NFAT5: variants seen among roughly 807,000 people sequenced by gnomAD.
NFAT5 encodes nuclear factor of activated T cells 5.
In NFAT5, 31 loss-of-function variants were observed where a neutral mutation model predicts 166.5. The observed-to-expected ratio is 0.19, with a 90% CI of 0.14 to 0.25. NFAT5 has a LOEUF of 0.25. NFAT5 is among the 10% of genes least tolerant of loss of function. The pLI, the probability that NFAT5 is intolerant of heterozygous loss-of-function variation, is 1.00. For missense variants in NFAT5, 1,449 were observed against 1,821.8 expected (o/e 0.80, Z 3.72); for synonymous variants, 612 against 639.7 (o/e 0.96, Z 0.65).
intron 2 of NFAT5, among the ~76,000 whole-genome samples, chr16:69,619,314 A>C (rs968343322): frequency 3.9e-5 from 6 of 152,194 alleles, no homozygotes; most frequent in Admixed American, 3.9e-4. Flanking sequence ...GCTGTGCTCT[A>C]TCCGTGTATA....
chr16:69,694,827 T>G (rs2037705015), intron 13 of NFAT5, among the ~76,000 whole-genome samples: 1 of 152,182 alleles, frequency 6.6e-6, no homozygotes, highest in African/African-American at 2.4e-5. Context: ...TCTAAGGAGG[T>G]AGAAACTCAT....
intron 10 of NFAT5, among the ~76,000 whole-genome samples, chr16:69,679,665 G>A (rs1004271728): frequency 1.3e-5 from 2 of 152,146 alleles, no homozygotes; most frequent in African/African-American, 4.8e-5. Context: ...TAAAGATCAT[G>A]TGTGAAAACA....
intron 2 of NFAT5, among the ~76,000 whole-genome samples, chr16:69,608,697 C>T (rs1260370231): frequency 6.6e-6 from 1 of 151,994 alleles, no homozygotes. Flanking sequence ...TCACTGCAAG[C>T]TCTGCCTCCT....
intron 6 of NFAT5, among the ~76,000 whole-genome samples, chr16:69,657,316 G>C (rs1478660539): frequency 6.6e-6 from 1 of 151,670 alleles, no homozygotes; most frequent in Non-Finnish European, 1.5e-5. Context: ...TTTTAGTAGA[G>C]ACGGGGTTTC....
At chr16:69,629,749 A>G (rs2034624364) in intron 3 of NFAT5, among the ~76,000 whole-genome samples, 1 of 147,484 alleles carries the variant, frequency 6.8e-6, no homozygotes, top group Admixed American at 6.9e-5. Flanking sequence ...AAATAAGTGC[A>G]CACTACCACA....
chr16:69,634,256 C>T (rs545478406), intron 3 of NFAT5, among the ~76,000 whole-genome samples: 111 of 123,214 alleles, frequency 9.0e-4, no homozygotes, highest in African/African-American at 3.3e-3. Context: ...TCCAGCCTGG[C>T]GATAGTGAGA....
chr16:69,634,036 G>GA (rs1053985984), intron 3 of NFAT5, among the ~76,000 whole-genome samples: 5 of 107,250 alleles, frequency 4.7e-5, no homozygotes, highest in African/African-American at 1.3e-4. Context: ...CCAGCACTTT[G>GA]GGGGGCCGAG....
chr16:69,695,539 G>A (rs1242096469), intron 14 of NFAT5, 160 bp downstream of exon 14: 1 of 626,310 alleles, frequency 1.6e-6, no homozygotes, highest in Non-Finnish European at 2.8e-6. Context: ...GATAGCTTAT[G>A]GTCATATAGT....
At chr16:69,590,876 T>G (rs1401492176) in intron 2 of NFAT5, among the ~76,000 whole-genome samples, 6 of 152,188 alleles carry the variant, frequency 3.9e-5, no homozygotes, top group African/African-American at 1.2e-4. Flanking sequence ...CACTAGAAAT[T>G]TAGGCACGAT....
chr16:69,695,517 A>G (rs1018636538), intron 14 of NFAT5, 138 bp downstream of exon 14: 10 of 653,204 alleles, frequency 1.5e-5, no homozygotes, highest in African/African-American at 9.1e-5. Context: ...TCTGAATAAA[A>G]TTATTCTGAA....
intron 11 of NFAT5, among the ~76,000 whole-genome samples, chr16:69,687,368 G>C (rs2037348679): frequency 6.7e-6 from 1 of 149,972 alleles, no homozygotes; most frequent in African/African-American, 2.5e-5. Flanking sequence ...TTGAATCCAG[G>C]AGGCGAAGGT....
intron 2 of NFAT5, among the ~76,000 whole-genome samples, chr16:69,607,352 C>A (rs765575717): frequency 5.3e-5 from 8 of 152,140 alleles, no homozygotes; most frequent in Non-Finnish European, 1.2e-4. Context: ...TCCAAGGAAT[C>A]TTGTGACTTT....
intron 3 of NFAT5, chr16:69,632,318 A>T (rs564520597): frequency 3.9e-5 from 6 of 152,204 alleles, no homozygotes; most frequent in Non-Finnish European, 8.8e-5. Context: ...GCATGTCATC[A>T]TATCACAATC....
rs2016255933 is a variant in NFAT5, at chr16:69,568,608, GGA to G, written c.127+62_127+63del. 3 of 1,407,962 alleles carry G rather than the reference GGA, an allele frequency of 2.1e-6. No homozygotes were observed. The East Asian group carries it at 7.0e-5, about 33-fold the overall frequency. The allele number at this position is 1,407,962 out of a possible 1,614,324, so 87.2% of individuals were successfully genotyped here. ...AGTATGCAAAGGCTTTCTCTGAAAT[GGA>G]GTTTAAATGGGAAAGTATGAAACTT... On this transcript the variant is annotated intron_variant, in intron 2 of 14. Coordinates refer to ENST00000349945, the MANE Select transcript of NFAT5 (RefSeq NM_138713.4).
At chr16:69,649,406 C>G (rs1008365785) in intron 4 of NFAT5, 22 of 982,934 alleles carry the variant, frequency 2.2e-5, no homozygotes, top group Non-Finnish European at 2.4e-5. Context: ...AATATCTTGA[C>G]CTTCATTTTT....
chr16:69,669,922 G>C lies in NFAT5; in HGVS notation c.1370-55G>C, dbSNP rs1363826173. On this transcript the variant is annotated intron_variant, in intron 7 of 14. Transcript: ENST00000349945. ...ACCGGATGATTGCAAGTTGATTTTA[G>C]GTAAGAAATAAGTTTTGGTGGTTCT... The C allele has an allele frequency of 2.0e-6, 3 of 1,475,272 alleles. No individual in the cohort carries two copies. In the East Asian group the frequency reaches 7.4e-5, roughly 36 times the overall value. 91.4% of individuals were successfully genotyped at this position (1,475,272 alleles called of 1,614,324 possible). A position where few individuals can be genotyped will look rare whatever the true frequency, so the allele number is the denominator to read the frequency against.
chr16:69,684,790 G>A (rs13336317), intron 10 of NFAT5, 97 bp from the exon 11 acceptor site: 46,773 of 746,484 alleles, frequency 0.063, 1,670 homozygotes, highest in Non-Finnish European at 0.066. Flanking sequence ...ATAATTAAAT[G>A]ATACTTTGTG....
chr16:69,635,002 C>A (rs1293009719), intron 3 of NFAT5, among the ~76,000 whole-genome samples: 1 of 145,908 alleles, frequency 6.9e-6, no homozygotes, highest in Non-Finnish European at 1.5e-5. Flanking sequence ...CCATGTGTTT[C>A]TAACCTCCTT....
At position 69,693,164 on chromosome 16, in the gene NFAT5, T is replaced by G. The variant is rs757862093; in HGVS notation, c.3339T>G (p.Ser1113Arg). ...SQETQGSLFH[S>R]PNPIVHSQTS... is the part of the protein sequence containing the mutation. ...AAACTCAAGGTTCTCTCTTTCATAG[T>G]CCAAATCCTATTGTCCACAGTCAGA... Residue 1113 changes from serine (S) to arginine (R), a missense_variant, in exon 13 of 15, where the codon AGT becomes AGG. Ser to Arg is a moderately radical substitution (Grantham distance 110). Around this residue, in one of 7 missense-constraint regions of NFAT5, gnomAD observed 891 missense variants for 993.0 expected, o/e 0.90. Coordinates refer to ENST00000349945, the MANE Select transcript of NFAT5 (RefSeq NM_138713.4). The G allele has an allele frequency of 6.2e-7, 1 of 1,614,096 alleles. No homozygotes were observed. The highest frequency in any genetic ancestry group is 2.2e-5 in the East Asian group (1 of 44,880).
Sources: allele counts gnomAD v4.1 joint callset (sites outside exome capture counted in the v4.1 genomes callset), GRCh38; gene constraint gnomAD v4.1.1; regional missense constraint gnomAD v4.1.1; transcripts MANE v1.5; gene names NCBI Gene and HGNC (gene_info 2026-07-23, HGNC 2026-07-21).